EHD2: variants seen among roughly 807,000 people sequenced by gnomAD.
The protein encoded by EHD2 is EH domain containing 2, also known as EH domain-containing protein 2.
EHD2 carries 27 observed loss-of-function variants against 41.0 expected under a neutral mutation model. The observed-to-expected ratio is 0.66, with a 90% CI of 0.49 to 0.91. The LOEUF is 0.91. EHD2 is among the 40% of genes least tolerant of loss of function. EHD2 has a pLI of 0.00. For synonymous variants in EHD2, 342 were observed against 341.0 expected (o/e 1.00, Z -0.03); for missense variants, 673 against 773.9 (o/e 0.87, Z 1.55).
intron 3 of EHD2, among the ~76,000 whole-genome samples, chr19:47,723,372 A>C (rs1166430518): frequency 2.6e-5 from 4 of 152,160 alleles, no homozygotes; most frequent in African/African-American, 9.7e-5. Flanking sequence ...TAAAAACTCA[A>C]CCATTATGGC....
intron 2 of EHD2, 50 bp downstream of exon 2, chr19:47,717,066 G>A: frequency 1.3e-6 from 2 of 1,596,474 alleles, no homozygotes; most frequent in Non-Finnish European, 1.7e-6. Context: ...TTTTTGTTAA[G>A]ACAGAGTTTC....
rs1389359819 is a variant in EHD2, at chr19:47,719,943, T to A, written c.502+1337T>A. 8.0e-6 allele frequency among the ~76,000 whole-genome samples: 1 copy of A among 124,582 alleles called. No homozygotes were observed. Among genetic ancestry groups the A allele is most frequent in the African/African-American group, 4.0e-5 (1 of 25,050 alleles). The allele number at this position is 124,582 out of a possible 152,430, so 81.7% of individuals were successfully genotyped here. A position where few individuals can be genotyped will look rare whatever the true frequency, so the allele number is the denominator to read the frequency against. ...GAGAGAGTGTCCAGCTGTTGGTGTG[T>A]ATATGTGTGTGTGTGTGTGTGTGTG... is the stretch of plus-strand genomic sequence containing the variant. On this transcript the variant is annotated intron_variant, in intron 3 of 5. Coordinates refer to ENST00000263277, the MANE Select transcript of EHD2 (RefSeq NM_014601.4). The surrounding 1 kb of genome is among the most constrained non-coding windows in gnomAD (Gnocchi z 4.1).
At chr19:47,731,122 C>T (rs116476055) in intron 4 of EHD2, among the ~76,000 whole-genome samples, 1,812 of 150,598 alleles carry the variant, frequency 0.012, 45 homozygotes, top group African/African-American at 0.041. Context: ...TGTGCAAAGG[C>T]CCTGGGGCAG....
At chr19:47,715,074 TAAATA>T (rs1159634676) in intron 1 of EHD2, among the ~76,000 whole-genome samples, 6 of 145,362 alleles carry the variant, frequency 4.1e-5, no homozygotes, top group African/African-American at 1.5e-4. Flanking sequence ...AATAAATAAA[TAAATA>T]AAAAGAAAGA....
intron 4 of EHD2, among the ~76,000 whole-genome samples, chr19:47,735,391 G>C (rs1297192400): frequency 2.0e-5 from 3 of 152,152 alleles, no homozygotes; most frequent in African/African-American, 7.2e-5. Context: ...AGGAGGCCAT[G>C]AGGCTCACAG....
At chr19:47,731,267 T>TAAAA (rs1168747038) in intron 4 of EHD2, 21 of 65,170 alleles carry the variant, frequency 3.2e-4, no homozygotes, top group Non-Finnish European at 4.6e-4. Flanking sequence ...TGTGATTCTT[T>TAAAA]AAAAAAAAAA....
chr19:47,739,816 G>A (rs1568594469), intron 5 of EHD2, among the ~76,000 whole-genome samples: 1 of 151,660 alleles, frequency 6.6e-6, no homozygotes, highest in African/African-American at 2.4e-5. Flanking sequence ...GTAGAGGGCG[G>A]TTAGGGTTCT....
chr19:47,717,658 G>A (rs1176600609), intron 2 of EHD2, among the ~76,000 whole-genome samples: 1 of 152,110 alleles, frequency 6.6e-6, no homozygotes. Flanking sequence ...TGTAATCCCA[G>A]CGCTTTGGGA....
intron 4 of EHD2, among the ~76,000 whole-genome samples, chr19:47,728,557 CTT>C (rs1973775924): frequency 2.7e-5 from 4 of 148,234 alleles, no homozygotes; most frequent in African/African-American, 1.0e-4. Flanking sequence ...CTTTCTCTTT[CTT>C]TTTCTTTCTT....
At position 47,718,493 on chromosome 19, in the gene EHD2, C is replaced by G. The variant is rs1305797718; in HGVS notation, c.405-16C>G. The G allele has an allele frequency of 3.8e-6, 6 of 1,563,316 alleles. No individual in the cohort carries two copies. The African/African-American group carries it at 4.1e-5, about 11-fold the overall frequency. ...TGTCCTTCCCTGTTGACCCCTGACC[C>G]TCCCTCTGCCCCCAGGTTCATGTGT... On this transcript the variant is annotated splice_polypyrimidine_tract_variant and intron_variant, in intron 2 of 5. Coordinates refer to ENST00000263277, the MANE Select transcript of EHD2 (RefSeq NM_014601.4).
At position 47,737,022 on chromosome 19, in the gene EHD2, C is replaced by G. The variant is rs11878272; in HGVS notation, c.1080+489C>G. Among the ~76,000 whole-genome samples, 1,068 of 150,720 alleles carry G rather than the reference C, an allele frequency of 7.1e-3. 13 individuals carry two copies. The highest frequency in any genetic ancestry group is 0.023 in the African/African-American group (944 of 41,082). ...CGAGGCGGGCGGATCACGAGGTCAG[C>G]AGATCAAGACCATCCTGGCTAACAC... On this transcript the variant is annotated intron_variant, in intron 5 of 5. Transcript: ENST00000263277.
chr19:47,735,064 T>A (rs1362402491), intron 4 of EHD2, among the ~76,000 whole-genome samples: 1 of 151,986 alleles, frequency 6.6e-6, no homozygotes, highest in Admixed American at 6.6e-5. Context: ...TCAAAATAAA[T>A]AAATAAATAA....
chr19:47,742,283 T>TTTCC lies in EHD2; in HGVS notation c.*854_*855insCTTC. Reference sequence around the variant, plus strand: ...CTTCCCTTTCCTGTCCTGTCCTTTCTTTCTTTTTTGATAGAATCTTGCTCT... The same window carrying TTTCC: ...CTTCCCTTTCCTGTCCTGTCCTTTCTTTCCTTCTTTTTTGATAGAATCTTGCTCT... On this transcript the variant is annotated 3_prime_UTR_variant, in exon 6 of 6. Coordinates refer to ENST00000263277, the MANE Select transcript of EHD2 (RefSeq NM_014601.4). The TTTCC allele has an allele frequency of 3.6e-6, 1 of 277,560 alleles. No homozygotes were observed. Among genetic ancestry groups the TTTCC allele is most frequent in the Non-Finnish European group, 7.0e-6 (1 of 143,228 alleles). 17.2% of individuals were successfully genotyped at this position (277,560 alleles called of 1,614,324 possible). A position where few individuals can be genotyped will look rare whatever the true frequency, so the allele number is the denominator to read the frequency against.
In EHD2 at chr19:47,742,144, T is replaced by C. The variant is rs73941233; in HGVS notation, c.*712T>C. The stretch of plus-strand genomic sequence containing the variant: ...ATTTATTTCCTTCCTTCCTTCCTTC[T>C]TTTCTTTCCTTCCTTCCTTCTTTTT... On this transcript the variant is annotated 3_prime_UTR_variant, in exon 6 of 6. Coordinates refer to ENST00000263277, the MANE Select transcript of EHD2 (RefSeq NM_014601.4). 3.4e-5 allele frequency: 10 copies of C among 290,756 alleles called. No individual in the cohort carries two copies. In the African/African-American group the frequency reaches 6.7e-4, roughly 19 times the overall value. The allele number at this position is 290,756 out of a possible 1,614,324, so 18.0% of individuals were successfully genotyped here. A position where few individuals can be genotyped will look rare whatever the true frequency, so the allele number is the denominator to read the frequency against.
Position 47,718,524 on chromosome 19 carries a change from G to A in EHD2, c.420G>A (p.Gln140=), listed in dbSNP as rs141495224. 3.8e-6 allele frequency: 6 copies of A among 1,583,012 alleles called. No homozygotes were observed. The African/African-American group carries it at 5.4e-5, about 14-fold the overall frequency. The change falls in exon 3 of 6, where the codon CAG becomes CAA. Residue 140 remains glutamine, a synonymous_variant. Coordinates refer to ENST00000263277, the MANE Select transcript of EHD2 (RefSeq NM_014601.4). The part of the protein sequence containing the change: ...NTFLNRFMCA[Q]LPNQVLESIS... Reference sequence around the variant, plus strand: ...CTGCCCCCAGGTTCATGTGTGCCCAGCTCCCTAATCAGGTCCTGGAGAGCA... The same window carrying A: ...CTGCCCCCAGGTTCATGTGTGCCCAACTCCCTAATCAGGTCCTGGAGAGCA...
At position 47,742,946 on chromosome 19, in the gene EHD2, T is replaced by C. The variant is rs1006274462; in HGVS notation, c.*1514T>C. Reference sequence around the variant, plus strand: ...CGCTGTTTGCTGCCTTCACCACATATTAGTGCTTGACCCTGGCAGGGGACC... The same window carrying C: ...CGCTGTTTGCTGCCTTCACCACATACTAGTGCTTGACCCTGGCAGGGGACC... On this transcript the variant is annotated 3_prime_UTR_variant, in exon 6 of 6. Coordinates refer to ENST00000263277, the MANE Select transcript of EHD2 (RefSeq NM_014601.4). 15 of 152,600 alleles carry C rather than the reference T, an allele frequency of 9.8e-5. No individual in the cohort carries two copies. The highest frequency in any genetic ancestry group is 3.6e-4 in the African/African-American group (15 of 41,410). 9.5% of individuals were successfully genotyped at this position (152,600 alleles called of 1,614,324 possible).
rs748391938 is a variant in EHD2, at chr19:47,741,297, C to T, written c.1497C>T (p.Gly499=). The change falls in exon 6 of 6, where the codon GGC becomes GGT. Residue 499 remains glycine (G), a synonymous_variant. Coordinates refer to ENST00000263277, the MANE Select transcript of EHD2 (RefSeq NM_014601.4). This position sits in a 1 kb window ranked among gnomAD's most constrained non-coding sequence, Gnocchi z 4.5. ...IWKLSDVDRD[G]MLDDEEFALA... is the part of the protein sequence containing the mutation. ...AGCTCAGCGATGTGGACCGCGACGG[C>T]ATGCTGGATGATGAGGAGTTCGCGC... 6.2e-7 allele frequency: 1 copy of T among 1,613,868 alleles called. No individual in the cohort carries two copies. Among genetic ancestry groups the T allele is most frequent in the Non-Finnish European group, 8.5e-7 (1 of 1,179,952 alleles).
chr19:47,715,141 T>C (rs969086460), intron 1 of EHD2, among the ~76,000 whole-genome samples: 2 of 152,082 alleles, frequency 1.3e-5, no homozygotes, highest in Non-Finnish European at 2.9e-5. Context: ...GGGTTATAAA[T>C]GTTAAGTGAG....
At chr19:47,734,746 A>C (rs933563858) in intron 4 of EHD2, among the ~76,000 whole-genome samples, 10 of 150,552 alleles carry the variant, frequency 6.6e-5, no homozygotes, top group Middle Eastern at 7.0e-3. Context: ...CTCCCTTTCA[A>C]AAAGAAAAAA....
Sources: allele counts gnomAD v4.1 joint callset (sites outside exome capture counted in the v4.1 genomes callset), GRCh38; gene constraint gnomAD v4.1.1; non-coding constraint Gnocchi (gnomAD v3.1); transcripts MANE v1.5; gene names NCBI Gene and HGNC (gene_info 2026-07-23, HGNC 2026-07-21).